Variants in SETDB1 observed in about 807,000 individuals in gnomAD.
The protein encoded by SETDB1 is histone-lysine N-methyltransferase SETDB1.
In SETDB1, 31 loss-of-function variants were observed where a neutral mutation model predicts 137.4. The observed-to-expected ratio is 0.23, with a 90% CI of 0.17 to 0.30. The LOEUF (loss-of-function observed/expected upper bound fraction) is 0.30. Ranked by LOEUF, SETDB1 falls within the 10% of genes least tolerant of loss-of-function variation. The pLI is 1.00. For synonymous variants in SETDB1, 548 were observed against 579.9 expected (o/e 0.95, Z 0.79); for missense variants, 1,113 against 1,631.5 (o/e 0.68, Z 5.47).
intron 6 of SETDB1, 33 bp downstream of exon 6, chr1:150,942,721 A>G (rs942844789): frequency 1.2e-6 from 2 of 1,605,766 alleles, no homozygotes; most frequent in Admixed American, 1.7e-5. Flanking sequence ...CACTCCTGAA[A>G]GGCAACCTGC....
intron 2 of SETDB1, 58 bp downstream of exon 2, chr1:150,928,032 A>AT: frequency 6.4e-7 from 1 of 1,553,732 alleles, no homozygotes. Flanking sequence ...TTTTTAGAGA[A>AT]TAATTGTTCA....
chr1:150,947,014 T>C lies in SETDB1; in HGVS notation c.1267+2T>C. On this transcript the variant is annotated splice_donor_variant, in intron 10 of 21. Coordinates refer to ENST00000692827, the MANE Select transcript of SETDB1 (RefSeq NM_001366418.1). LOFTEE classifies it high-confidence loss of function. ...AGCTCAGGACACGTCCAAATATGGGTATGTCCTGAAAGATTCCTGGAGGAA... is the reference window on the plus strand; with the variant it reads ...AGCTCAGGACACGTCCAAATATGGGCATGTCCTGAAAGATTCCTGGAGGAA... The C allele has an allele frequency of 6.2e-7, 1 of 1,613,916 alleles. No individual in the cohort carries two copies. The highest frequency in any genetic ancestry group is 8.5e-7 in the Non-Finnish European group (1 of 1,179,882).
chr1:150,955,096 G>C (rs1670601638), intron 14 of SETDB1, among the ~76,000 whole-genome samples: 1 of 152,190 alleles, frequency 6.6e-6, no homozygotes, highest in East Asian at 1.9e-4. Flanking sequence ...AATTTGTACT[G>C]ATAACATTGA....
At chr1:150,936,789 G>A (rs1193338900) in intron 3 of SETDB1, among the ~76,000 whole-genome samples, 1 of 151,900 alleles carries the variant, frequency 6.6e-6, no homozygotes, top group Non-Finnish European at 1.5e-5. Flanking sequence ...AAGTAGCTGA[G>A]ACTACAGGCA....
intron 1 of SETDB1, among the ~76,000 whole-genome samples, chr1:150,927,136 G>A (rs1669552469): frequency 6.6e-6 from 1 of 152,046 alleles, no homozygotes; most frequent in Non-Finnish European, 1.5e-5. Flanking sequence ...TTTAAAGTTC[G>A]GTTTGTTTTG....
chr1:150,944,848 CT>C, intron 8 of SETDB1, 69 bp from the exon 9 acceptor site: 4 of 1,545,068 alleles, frequency 2.6e-6, no homozygotes, highest in Non-Finnish European at 3.5e-6. Context: ...CAAATGTCTC[CT>C]GGCCAAGTCT....
chr1:150,927,753 A>G lies in SETDB1; in HGVS notation c.39A>G (p.Ala13=), dbSNP rs1455323598. ...SLPGCIGLDA[A]TATVESEEIA... ...CTGGGTGCATTGGTTTGGATGCAGC[A>G]ACAGCTACAGTGGAGTCTGAAGAGA... Residue 13 remains alanine, a synonymous_variant, in exon 2 of 22, where the codon GCA becomes GCG. Transcript: ENST00000692827. 1.2e-6 allele frequency: 2 copies of G among 1,614,184 alleles called. No individual in the cohort carries two copies. The highest frequency in any genetic ancestry group is 3.3e-5 in the Admixed American group (2 of 60,012).
Position 150,963,621 on chromosome 1 carries a change from C to T in SETDB1, c.3552C>T (p.Ala1184=), listed in dbSNP as rs144387928. 3.0e-5 allele frequency: 48 copies of T among 1,614,028 alleles called. No individual in the cohort carries two copies. The highest frequency in any genetic ancestry group is 3.6e-5 in the Non-Finnish European group (43 of 1,180,028). Residue 1184 remains alanine, a synonymous_variant, in exon 20 of 22, where the codon GCC becomes GCT. Coordinates refer to ENST00000692827, the MANE Select transcript of SETDB1 (RefSeq NM_001366418.1). Reference sequence around the variant, plus strand: ...TTGCAATTAAATCAACCAACATGGCCTCTGTGGACAAGGGGGAGAGCGCAC... The same window carrying T: ...TTGCAATTAAATCAACCAACATGGCTTCTGTGGACAAGGGGGAGAGCGCAC... ...HGIAIKSTNM[A]SVDKGESAPV...
chr1:150,948,716 G>C (rs1428430328), intron 10 of SETDB1, among the ~76,000 whole-genome samples: 1 of 151,504 alleles, frequency 6.6e-6, no homozygotes, highest in East Asian at 1.9e-4. Flanking sequence ...TACTCAAAAT[G>C]TGTCCATTGC....
intron 12 of SETDB1, among the ~76,000 whole-genome samples, chr1:150,950,105 A>G (rs1436329242): frequency 6.6e-6 from 1 of 152,108 alleles, no homozygotes; most frequent in East Asian, 1.9e-4. Flanking sequence ...GTGGTGGCGC[A>G]TGCCTGTAAT....
chr1:150,948,929 G>C (rs1372843937), intron 10 of SETDB1, among the ~76,000 whole-genome samples, 193 bp from the exon 11 acceptor site: 3 of 151,962 alleles, frequency 2.0e-5, no homozygotes. Flanking sequence ...ATGTTGGCCA[G>C]GCTGGTCTCA....
At chr1:150,959,139 G>A (rs762644746) in intron 14 of SETDB1, 39 bp from the exon 15 acceptor site, 1 of 1,459,746 alleles carries the variant, frequency 6.9e-7, no homozygotes, top group East Asian at 2.5e-5. Context: ...GTGCTCTAGT[G>A]ATCATACCGT....
chr1:150,933,522 A>G (rs1198810706), intron 3 of SETDB1, among the ~76,000 whole-genome samples: 1 of 151,554 alleles, frequency 6.6e-6, no homozygotes, highest in Non-Finnish European at 1.5e-5. Context: ...GACCACAGGC[A>G]CGCGCCATCA....
chr1:150,940,559 CTCTG>C (rs1312590741), intron 4 of SETDB1, among the ~76,000 whole-genome samples: 1 of 150,262 alleles, frequency 6.7e-6, no homozygotes, highest in Non-Finnish European at 1.5e-5. Context: ...CAGAGCAAGA[CTCTG>C]TCTCAGAAAA....
chr1:150,949,350 C>T lies in SETDB1; in HGVS notation c.1425-17C>T, dbSNP rs1670429569. The T allele has an allele frequency of 1.2e-6, 2 of 1,613,858 alleles. No homozygotes were observed. The highest frequency in any genetic ancestry group is 8.5e-7 in the Non-Finnish European group (1 of 1,179,954). ...TTCCACATCCCTTACTATATGCCCT[C>T]TTCTCTAATCTCCTAGAAGCTTGGA... On this transcript the variant is annotated splice_polypyrimidine_tract_variant and intron_variant, in intron 11 of 21. Coordinates refer to ENST00000692827, the MANE Select transcript of SETDB1 (RefSeq NM_001366418.1).
At position 150,953,479 on chromosome 1, in the gene SETDB1, C is replaced by G. The variant is rs587663906; in HGVS notation, c.2333+1998C>G. ...AGGTGGAGGTTGCAGTGAGCCAAGA[C>G]CGCACCATTGCACTCCAGCCTGGGC... On this transcript the variant is annotated intron_variant, in intron 14 of 21. Coordinates refer to ENST00000692827, the MANE Select transcript of SETDB1 (RefSeq NM_001366418.1). 2.0e-5 allele frequency among the ~76,000 whole-genome samples: 3 copies of G among 151,428 alleles called. No homozygotes were observed. In the South Asian group the frequency reaches 6.2e-4, roughly 32 times the overall value.
chr1:150,933,658 T>C (rs1669840284), intron 3 of SETDB1, among the ~76,000 whole-genome samples: 1 of 152,032 alleles, frequency 6.6e-6, no homozygotes, highest in South Asian at 2.1e-4. Flanking sequence ...ATTACAGGCG[T>C]GAGCCACTGT....
At chr1:150,952,617 G>A (rs923829080) in intron 14 of SETDB1, among the ~76,000 whole-genome samples, 21 of 152,072 alleles carry the variant, frequency 1.4e-4, no homozygotes, top group African/African-American at 4.6e-4. Flanking sequence ...AGTGGCTCAC[G>A]CCTGTAATCC....
chr1:150,932,791 T>C (rs913260683), intron 3 of SETDB1, among the ~76,000 whole-genome samples: 3 of 152,210 alleles, frequency 2.0e-5, no homozygotes, highest in Admixed American at 2.0e-4. Flanking sequence ...TAATATAAGC[T>C]CTAAAGCTAT....
Sources: allele counts gnomAD v4.1 joint callset (sites outside exome capture counted in the v4.1 genomes callset), GRCh38; gene constraint gnomAD v4.1.1; transcripts MANE v1.5; gene names NCBI Gene and HGNC (gene_info 2026-07-23, HGNC 2026-07-21).